MRPS28: variants seen among roughly 807,000 people sequenced by gnomAD.
The protein encoded by MRPS28 is small ribosomal subunit protein bS1m.
In MRPS28, 7 loss-of-function variants were observed where a neutral mutation model predicts 10.8. That is an observed-to-expected ratio of 0.65 (90% CI 0.37 to 1.22). MRPS28 has a LOEUF of 1.22. Among genes scored for constraint, MRPS28 ranks in the 50% most tolerant of loss-of-function variants. MRPS28 has a pLI of 0.02. For missense variants in MRPS28, 265 were observed against 232.9 expected (o/e 1.14, Z -0.90); for synonymous variants, 121 against 93.3 (o/e 1.30, Z -1.71).
At chr8:79,983,229 A>G (rs1164028163) in intron 2 of MRPS28, among the ~76,000 whole-genome samples, 1 of 152,126 alleles carries the variant, frequency 6.6e-6, no homozygotes, top group Non-Finnish European at 1.5e-5. Context: ...TGTTAGAAGG[A>G]AAACTAACAA....
chr8:79,929,260 T>C (rs915794220), intron 2 of MRPS28, among the ~76,000 whole-genome samples: 1 of 152,180 alleles, frequency 6.6e-6, no homozygotes, highest in Non-Finnish European at 1.5e-5. Context: ...CAATGTAGTT[T>C]TGCTCCCCCA....
At chr8:79,932,210 AAG>A (rs775493627) in intron 2 of MRPS28, among the ~76,000 whole-genome samples, 1 of 152,218 alleles carries the variant, frequency 6.6e-6, no homozygotes, top group Admixed American at 6.5e-5. Context: ...CTCTGCTAGG[AAG>A]AGAGAGACAA....
intron 2 of MRPS28, among the ~76,000 whole-genome samples, chr8:79,924,556 T>A (rs757252966): frequency 6.6e-5 from 10 of 152,192 alleles, no homozygotes; most frequent in Non-Finnish European, 1.0e-4. Flanking sequence ...CTTTTGCAGT[T>A]GGAAGACTTT....
At chr8:79,986,634 GACAA>G (rs1222328561) in intron 2 of MRPS28, among the ~76,000 whole-genome samples, 3 of 151,922 alleles carry the variant, frequency 2.0e-5, no homozygotes, top group East Asian at 1.9e-4. Flanking sequence ...ACCAATAACA[GACAA>G]ACAGAGAGCC....
chr8:79,965,117 A>T (rs1396213547), intron 2 of MRPS28, among the ~76,000 whole-genome samples: 3 of 152,140 alleles, frequency 2.0e-5, no homozygotes, highest in Non-Finnish European at 4.4e-5. Flanking sequence ...CTCAAGTTTA[A>T]ATCAATCTAC....
chr8:79,926,759 C>T (rs1245888388), intron 2 of MRPS28, among the ~76,000 whole-genome samples: 1 of 152,178 alleles, frequency 6.6e-6, no homozygotes, highest in Non-Finnish European at 1.5e-5. Context: ...CTTGGTATAT[C>T]TGTGGGGAGC....
chr8:80,019,916 C>T (rs1809307622), intron 1 of MRPS28, among the ~76,000 whole-genome samples: 1 of 152,122 alleles, frequency 6.6e-6, no homozygotes, highest in Non-Finnish European at 1.5e-5. Context: ...AAGGACACGC[C>T]CATGACACAG....
At chr8:79,947,368 T>C (rs1586051789) in intron 2 of MRPS28, among the ~76,000 whole-genome samples, 2 of 152,168 alleles carry the variant, frequency 1.3e-5, no homozygotes, top group Admixed American at 1.3e-4. Flanking sequence ...TAAAAAACAA[T>C]ATTGTTTTGG....
intron 1 of MRPS28, among the ~76,000 whole-genome samples, chr8:80,025,698 G>C (rs968816938): frequency 2.0e-5 from 3 of 152,158 alleles, no homozygotes; most frequent in African/African-American, 7.2e-5. Flanking sequence ...AGGCACTTGT[G>C]TTAAGTGTTT....
intron 2 of MRPS28, among the ~76,000 whole-genome samples, chr8:79,941,898 G>T (rs1402885892): frequency 4.6e-5 from 7 of 152,266 alleles, no homozygotes; most frequent in South Asian, 2.1e-4. Context: ...TGAAAAAATG[G>T]TTTTTTATGT....
At position 79,982,993 on chromosome 8, in the gene MRPS28, C is replaced by T. The variant is rs1305921897; in HGVS notation, c.395+20006G>A. ...TGGGTCCCTGACGCCTGACCCCCGA[C>T]CCCCGAGCAGCCTAACTGGGAGGCA... On this transcript the variant is annotated intron_variant, in intron 2 of 2. Transcript: ENST00000276585. 1.7e-4 allele frequency among the ~76,000 whole-genome samples: 12 copies of T among 69,560 alleles called. 1 individual carries two copies. Among genetic ancestry groups the T allele is most frequent in the African/African-American group, 8.0e-4 (11 of 13,680 alleles). The allele number at this position is 69,560 out of a possible 152,430, so 45.6% of individuals were successfully genotyped here.
At chr8:79,945,294 T>C (rs1806881014) in intron 2 of MRPS28, among the ~76,000 whole-genome samples, 1 of 152,154 alleles carries the variant, frequency 6.6e-6, no homozygotes, top group African/African-American at 2.4e-5. Flanking sequence ...TTTATAAATA[T>C]AAATTTACTT....
chr8:79,938,204 G>T (rs769874812), intron 2 of MRPS28, among the ~76,000 whole-genome samples: 1 of 143,648 alleles, frequency 7.0e-6, no homozygotes, highest in African/African-American at 2.5e-5. Flanking sequence ...AGTGAAATCC[G>T]AGTGCTACAT....
At chr8:79,964,386 GAC>G (rs1167111570) in intron 2 of MRPS28, among the ~76,000 whole-genome samples, 1 of 152,104 alleles carries the variant, frequency 6.6e-6, no homozygotes, top group Non-Finnish European at 1.5e-5. Context: ...ACTATAAACA[GAC>G]AGATACTTCC....
intron 2 of MRPS28, among the ~76,000 whole-genome samples, chr8:79,956,025 C>G (rs537047646): frequency 6.6e-5 from 10 of 152,194 alleles, no homozygotes; most frequent in Non-Finnish European, 1.3e-4. Context: ...TCAAAGTTCT[C>G]TGGACCTTAG....
intron 1 of MRPS28, among the ~76,000 whole-genome samples, chr8:80,005,264 G>A (rs1336074299): frequency 6.6e-6 from 1 of 152,132 alleles, no homozygotes; most frequent in South Asian, 2.1e-4. Context: ...CAAAGGGAAG[G>A]CCATCAGACT....
intron 2 of MRPS28, among the ~76,000 whole-genome samples, chr8:79,969,339 C>T (rs1235675647): frequency 6.6e-6 from 1 of 152,078 alleles, no homozygotes; most frequent in Non-Finnish European, 1.5e-5. Flanking sequence ...ATTTGGAAAT[C>T]TTAGACAACT....
chr8:79,949,323 A>G (rs1807016185), intron 2 of MRPS28, among the ~76,000 whole-genome samples: 1 of 151,690 alleles, frequency 6.6e-6, no homozygotes, highest in African/African-American at 2.4e-5. Flanking sequence ...CTAAAGCAGG[A>G]GAATCGCTTG....
intron 2 of MRPS28, among the ~76,000 whole-genome samples, chr8:79,986,922 C>A (rs979546258): frequency 1.3e-5 from 2 of 152,194 alleles, no homozygotes; most frequent in Admixed American, 1.3e-4. Context: ...TTGGAAAAAA[C>A]TACTTTCAAG....
Sources: allele counts gnomAD v4.1 joint callset (sites outside exome capture counted in the v4.1 genomes callset), GRCh38; gene constraint gnomAD v4.1.1; transcripts MANE v1.5; gene names NCBI Gene and HGNC (gene_info 2026-07-23, HGNC 2026-07-21).